JAK2: variants seen among roughly 807,000 people sequenced by gnomAD.
JAK2 encodes tyrosine-protein kinase JAK2.
A neutral mutation model predicts 139.3 loss-of-function variants in JAK2; 86 were observed. The observed-to-expected ratio is 0.62, with a 90% CI of 0.52 to 0.74. The LOEUF is 0.74. Ranked by LOEUF, JAK2 falls within the 30% of genes least tolerant of loss-of-function variation. The probability of loss-of-function intolerance (pLI) is 0.00; values close to 1 mark genes in which losing one functional copy is unlikely to be tolerated. For synonymous variants in JAK2, 490 were observed against 437.7 expected, an observed-to-expected ratio of 1.12 and a Z score of -1.49; for missense variants, 1,421 against 1,360.3, an observed-to-expected ratio of 1.04 and a Z score of -0.70.
chr9:5,043,031 G>A (rs1816726359), intron 4 of JAK2, among the ~76,000 whole-genome samples: 1 of 152,230 alleles, frequency 6.6e-6, no homozygotes, highest in Non-Finnish European at 1.5e-5. Context: ...CCTGGGCCCT[G>A]CTGTGTGGAG....
intron 4 of JAK2, among the ~76,000 whole-genome samples, chr9:5,036,240 T>G (rs1823590723): frequency 6.6e-6 from 1 of 152,178 alleles, no homozygotes; most frequent in Admixed American, 6.5e-5. Context: ...TACAAACAAA[T>G]GGAAGAACAT....
chr9:5,092,477 C>G (rs1321846354), intron 22 of JAK2, among the ~76,000 whole-genome samples: 1 of 152,072 alleles, frequency 6.6e-6, no homozygotes, highest in African/African-American at 2.4e-5. Context: ...TCACTTTGAG[C>G]CAACCCTAGC....
intron 5 of JAK2, among the ~76,000 whole-genome samples, chr9:5,047,052 A>G (rs1180771734): frequency 6.6e-6 from 1 of 152,196 alleles, no homozygotes; most frequent in Admixed American, 6.5e-5. Context: ...CTAGCATGGC[A>G]AGGTAATTCC....
intron 22 of JAK2, among the ~76,000 whole-genome samples, chr9:5,120,729 GGAGACT>G (rs1400643814): frequency 6.6e-6 from 1 of 152,142 alleles, no homozygotes; most frequent in African/African-American, 2.4e-5. Flanking sequence ...CAATGGGTTA[GGAGACT>G]GATTGGAGAT....
intron 2 of JAK2, among the ~76,000 whole-genome samples, chr9:5,010,102 C>T (rs977870357): frequency 6.6e-6 from 1 of 152,144 alleles, no homozygotes; most frequent in Non-Finnish European, 1.5e-5. Context: ...TCTATTTCCT[C>T]TACTCTGTCA....
intron 12 of JAK2, among the ~76,000 whole-genome samples, chr9:5,071,023 A>C (rs1818920446): frequency 6.6e-6 from 1 of 152,158 alleles, no homozygotes; most frequent in South Asian, 2.1e-4. Flanking sequence ...AAGAAAAGGA[A>C]TATTGTCATT....
At chr9:5,057,298 G>C (rs1817833142) in intron 8 of JAK2, among the ~76,000 whole-genome samples, 1 of 151,580 alleles carries the variant, frequency 6.6e-6, no homozygotes, top group African/African-American at 2.4e-5. Context: ...GCTTATTATT[G>C]CATTTTCCCA....
intron 6 of JAK2, 85 bp downstream of exon 6, chr9:5,050,916 C>T: frequency 1.7e-6 from 2 of 1,208,950 alleles, no homozygotes; most frequent in Non-Finnish European, 2.4e-6. Flanking sequence ...TTACCCATGC[C>T]TTTTGATTTT....
intron 4 of JAK2, among the ~76,000 whole-genome samples, chr9:5,032,056 C>T (rs1409729839): frequency 6.6e-6 from 1 of 152,222 alleles, no homozygotes; most frequent in Non-Finnish European, 1.5e-5. Flanking sequence ...GGGTCACTCC[C>T]ACTCTAATAC....
chr9:5,066,814 G>A (rs755969423), intron 10 of JAK2, 25 bp downstream of exon 10: 4 of 1,042,726 alleles, frequency 3.8e-6, no homozygotes, highest in East Asian at 2.6e-5. Flanking sequence ...CTTATTAGTG[G>A]TAACACTTTA....
intron 22 of JAK2, among the ~76,000 whole-genome samples, chr9:5,107,102 T>C (rs375440065): frequency 6.6e-6 from 1 of 152,264 alleles, no homozygotes; most frequent in African/African-American, 2.4e-5. Context: ...TGTTGACACT[T>C]TGTAGATGTA....
Position 5,054,685 on chromosome 9 carries a change from C to T in JAK2, c.737C>T (p.Thr246Ile), listed in dbSNP as rs1482320201. ...FIQQFSQCKA[T>I]ARNLKLKYLI... Reference sequence around the variant, plus strand: ...CAGCAATTCAGCCAATGCAAAGCCACTGCCAGAAACTTGAAACTTAAGTAT... The same window carrying T: ...CAGCAATTCAGCCAATGCAAAGCCATTGCCAGAAACTTGAAACTTAAGTAT... The change falls in exon 7 of 25, where the codon ACT (threonine) becomes ATT (isoleucine). Residue 246 changes from threonine to isoleucine, a missense_variant. Physicochemically the swap from Thr to Ile is moderately conservative, Grantham distance 89. Transcript: ENST00000381652. The surrounding 1 kb of genome is among the most constrained non-coding windows in gnomAD (Gnocchi z 4.9). The T allele has an allele frequency of 4.3e-6, 7 of 1,613,290 alleles. No individual in the cohort carries two copies. The highest frequency in any genetic ancestry group is 5.9e-6 in the Non-Finnish European group (7 of 1,179,442).
chr9:5,073,286 G>A (rs755859416), intron 13 of JAK2, among the ~76,000 whole-genome samples: 1 of 152,184 alleles, frequency 6.6e-6, no homozygotes, highest in Admixed American at 6.5e-5. Context: ...TGACACAGAT[G>A]TCGTGATATT....
At chr9:5,050,194 T>C (rs979934237) in intron 5 of JAK2, among the ~76,000 whole-genome samples, 1 of 152,254 alleles carries the variant, frequency 6.6e-6, no homozygotes, top group African/African-American at 2.4e-5. Context: ...TACTCTGTAA[T>C]TGGGAACCCA....
chr9:5,069,273 C>G lies in JAK2; in HGVS notation c.1513+65C>G, dbSNP rs1027813872. The G allele has an allele frequency of 4.9e-6, 5 of 1,030,588 alleles. No individual in the cohort carries two copies. The Admixed American group carries it at 1.2e-4, about 24-fold the overall frequency. 63.8% of individuals were successfully genotyped at this position (1,030,588 alleles called of 1,614,324 possible). A position where few individuals can be genotyped will look rare whatever the true frequency, so the allele number is the denominator to read the frequency against. On this transcript the variant is annotated intron_variant, in intron 11 of 24. Transcript: ENST00000381652. ...GGATTGTTTATGTGGCGTGAAGTAT[C>G]TTCAGTACATTGATTTCAAAGGATA...
chr9:5,078,333 G>C lies in JAK2; in HGVS notation c.2020G>C (p.Val674Leu), dbSNP rs2130590117. Residue 674 changes from valine (V) to leucine (L), a missense_variant, in exon 16 of 25, where the codon GTA becomes CTA. Coordinates refer to ENST00000381652, the MANE Select transcript of JAK2 (RefSeq NM_004972.4). Reference sequence around the variant, plus strand: ...AGAAAACACCCTTATTCATGGGAATGTATGTGCCAAAAATATTCTGCTTAT... The same window carrying C: ...AGAAAACACCCTTATTCATGGGAATCTATGTGCCAAAAATATTCTGCTTAT... ...LEENTLIHGN[V>L]CAKNILLIRE... The C allele has an allele frequency of 6.2e-7, 1 of 1,612,554 alleles. No individual in the cohort carries two copies. Among genetic ancestry groups the C allele is most frequent in the Non-Finnish European group, 8.5e-7 (1 of 1,178,884 alleles).
chr9:5,085,356 C>T, intron 19 of JAK2: 1 of 901,022 alleles, frequency 1.1e-6, no homozygotes, highest in South Asian at 1.3e-5. Context: ...TTTTTCCGTA[C>T]TGATAGGTGA....
chr9:5,110,808 G>T (rs750624056), intron 22 of JAK2: 7 of 426,632 alleles, frequency 1.6e-5, no homozygotes, highest in Non-Finnish European at 2.7e-5. Context: ...ACGCCTGGGG[G>T]CCCTGCTGCA....
intron 22 of JAK2, chr9:5,112,522 C>T (rs1462042086): frequency 3.4e-6 from 2 of 583,210 alleles, no homozygotes; most frequent in Non-Finnish European, 6.1e-6. Context: ...CCCCCCAGAG[C>T]AGAAGGCCGA....
Sources: allele counts gnomAD v4.1 joint callset (sites outside exome capture counted in the v4.1 genomes callset), GRCh38; gene constraint gnomAD v4.1.1; non-coding constraint Gnocchi (gnomAD v3.1); transcripts MANE v1.5; gene names NCBI Gene and HGNC (gene_info 2026-07-23, HGNC 2026-07-21).